Variants in IL1RAPL1 observed in about 807,000 individuals in gnomAD.
IL1RAPL1 encodes the protein interleukin-1 receptor accessory protein-like 1.
IL1RAPL1 carries 3 observed loss-of-function variants against 48.4 expected under a neutral mutation model. The observed-to-expected ratio is 0.06, with a 90% CI of 0.03 to 0.16. The LOEUF (loss-of-function observed/expected upper bound fraction) is 0.16, where lower values mean the gene tolerates loss of function less well. IL1RAPL1 is among the 10% of genes least tolerant of loss of function. The pLI, the probability that IL1RAPL1 is intolerant of heterozygous loss-of-function variation, is 1.00. For missense variants in IL1RAPL1, 349 were observed against 530.6 expected (o/e 0.66, Z 3.36); for synonymous variants, 185 against 187.7 (o/e 0.99, Z 0.12).
At chrX:29,363,039 G>A (rs1933398050) in intron 3 of IL1RAPL1, among the ~76,000 whole-genome samples, 1 of 111,665 alleles carries the variant, frequency 9.0e-6, no homozygotes, top group Non-Finnish European at 1.9e-5. Flanking sequence ...CCTACAGTAT[G>A]TGGAAGAGCC....
At chrX:29,062,932 A>G (rs1308702630) in intron 2 of IL1RAPL1, among the ~76,000 whole-genome samples, 1 of 111,859 alleles carries the variant, frequency 8.9e-6, no homozygotes, top group Non-Finnish European at 1.9e-5. Context: ...AAGTGTATCC[A>G]TATGGATTCA....
At chrX:28,964,506 AT>A in intron 2 of IL1RAPL1, among the ~76,000 whole-genome samples, 1 of 111,541 alleles carries the variant, frequency 9.0e-6, no homozygotes, top group Non-Finnish European at 1.9e-5. Context: ...GTGCTTATTC[AT>A]TTACACCTAT....
At chrX:28,832,080 C>T (rs185859618) in intron 2 of IL1RAPL1, among the ~76,000 whole-genome samples, 1 of 111,291 alleles carries the variant, frequency 9.0e-6, no homozygotes, top group African/African-American at 3.3e-5. Flanking sequence ...TTCATCACCA[C>T]AAACATTTAT....
chrX:29,535,976 A>C (rs767995688), intron 5 of IL1RAPL1, among the ~76,000 whole-genome samples: 2 of 112,024 alleles, frequency 1.8e-5, no homozygotes, highest in Non-Finnish European at 3.8e-5. Context: ...GGCTTCCCAG[A>C]GCCTCTACAG....
At chrX:29,745,985 G>A (rs142448232) in intron 6 of IL1RAPL1, among the ~76,000 whole-genome samples, 2,690 of 111,418 alleles carry the variant, frequency 0.024, 100 homozygotes, top group Admixed American at 0.14. Context: ...TCATTGCTAA[G>A]ATAAACATTA....
intron 2 of IL1RAPL1, among the ~76,000 whole-genome samples, chrX:28,820,009 T>TAC (rs1228288604): frequency 3.2e-4 from 26 of 80,340 alleles, no homozygotes; most frequent in African/African-American, 1.2e-3. Flanking sequence ...TATATATATA[T>TAC]ATATACATGT....
At chrX:29,792,733 A>G (rs1039209042) in intron 6 of IL1RAPL1, among the ~76,000 whole-genome samples, 1 of 110,917 alleles carries the variant, frequency 9.0e-6, no homozygotes, top group African/African-American at 3.3e-5. Context: ...CTCGGCTCCT[A>G]CTGTAAATTT....
chrX:29,597,827 A>G (rs1000792982), intron 5 of IL1RAPL1, among the ~76,000 whole-genome samples: 1 of 112,359 alleles, frequency 8.9e-6, no homozygotes, highest in Non-Finnish European at 1.9e-5. Context: ...AGGTGTTCAT[A>G]GTAGCCTTGA....
intron 2 of IL1RAPL1, among the ~76,000 whole-genome samples, chrX:29,212,462 C>T (rs1371756109): frequency 9.0e-6 from 1 of 111,236 alleles, no homozygotes; most frequent in Admixed American, 9.6e-5. Flanking sequence ...GCGCCCACCA[C>T]CATGCCCAGC....
chrX:28,662,169 A>G (rs772678652), intron 1 of IL1RAPL1, among the ~76,000 whole-genome samples: 25 of 110,405 alleles, frequency 2.3e-4, no homozygotes, highest in African/African-American at 6.6e-4. Context: ...TTATTTACCA[A>G]CCAATTTGGA....
intron 6 of IL1RAPL1, among the ~76,000 whole-genome samples, chrX:29,872,233 C>T (rs1241973093): frequency 4.5e-5 from 5 of 111,563 alleles, no homozygotes; most frequent in Non-Finnish European, 9.4e-5. Context: ...TTATCCATGA[C>T]ATCAATTTGG....
chrX:29,586,377 G>C (rs1328002529), intron 5 of IL1RAPL1, among the ~76,000 whole-genome samples: 1 of 110,956 alleles, frequency 9.0e-6, no homozygotes, highest in African/African-American at 3.3e-5. Flanking sequence ...TTTATTTCTG[G>C]GTTCTCTATT....
chrX:29,523,565 A>C (rs1241089616), intron 5 of IL1RAPL1, among the ~76,000 whole-genome samples: 1 of 112,051 alleles, frequency 8.9e-6, no homozygotes, highest in African/African-American at 3.2e-5. Context: ...GGCTTCAAAA[A>C]ACACACTGAA....
At chrX:29,704,025 C>T (rs913409337) in intron 6 of IL1RAPL1, among the ~76,000 whole-genome samples, 1 of 111,222 alleles carries the variant, frequency 9.0e-6, no homozygotes, top group South Asian at 3.8e-4. Context: ...TAGGCTCAAG[C>T]GATCCTCCCA....
chrX:28,983,544 T>C (rs1925393578), intron 2 of IL1RAPL1, among the ~76,000 whole-genome samples: 1 of 112,259 alleles, frequency 8.9e-6, no homozygotes, highest in African/African-American at 3.2e-5. Flanking sequence ...GTCCCAGACA[T>C]GTTTAGAGCT....
intron 2 of IL1RAPL1, among the ~76,000 whole-genome samples, chrX:29,233,059 A>T (rs896828628): frequency 1.8e-5 from 2 of 111,817 alleles, no homozygotes; most frequent in Non-Finnish European, 3.8e-5. Context: ...TTGGCCTCCC[A>T]AAGTGCTGAA....
At chrX:29,917,732 A>T in intron 7 of IL1RAPL1, 136 bp downstream of exon 7, 1 of 493,690 alleles carries the variant, frequency 2.0e-6, no homozygotes, top group Non-Finnish European at 3.4e-6. Flanking sequence ...ATGATAAAGA[A>T]GCAAAACACT....
chrX:29,773,038 T>G (rs1250646954), intron 6 of IL1RAPL1, among the ~76,000 whole-genome samples: 1 of 112,014 alleles, frequency 8.9e-6, no homozygotes, highest in Non-Finnish European at 1.9e-5. Context: ...AATGTGAGAA[T>G]TTGAAATAAT....
intron 2 of IL1RAPL1, among the ~76,000 whole-genome samples, chrX:29,025,800 G>T (rs1001285102): frequency 9.0e-6 from 1 of 111,342 alleles, no homozygotes; most frequent in African/African-American, 3.3e-5. Flanking sequence ...TGCATTATTG[G>T]CAGGTTATTC....
Sources: gnomAD v4.1 joint callset for allele counts (sites outside exome capture counted in the v4.1 genomes callset) on GRCh38, gnomAD v4.1.1 for gene constraint, MANE v1.5 for transcripts, NCBI Gene and HGNC (gene_info 2026-07-23, HGNC 2026-07-21) for gene names.